The following SYTL5 variants were observed in gnomAD, a reference collection of about 807,000 sequenced individuals.
The protein encoded by SYTL5 is synaptotagmin-like protein 5.
A neutral mutation model predicts 55.9 loss-of-function variants in SYTL5; 34 were observed. The observed-to-expected ratio is 0.61, with a 90% CI of 0.46 to 0.81. The LOEUF (loss-of-function observed/expected upper bound fraction) is 0.81. Among genes scored for constraint, SYTL5 ranks in the 30% least tolerant of loss-of-function variants. SYTL5 has a pLI of 0.00. For synonymous variants in SYTL5, 221 were observed against 188.7 expected (o/e 1.17, Z -1.40); for missense variants, 637 against 546.7 (o/e 1.17, Z -1.65).
intron 1 of SYTL5, among the ~76,000 whole-genome samples, chrX:38,015,706 GT>G (rs367736386): frequency 2.2e-3 from 223 of 101,706 alleles, no homozygotes; most frequent in African/African-American, 4.7e-3. Flanking sequence ...ACAATTCAAT[GT>G]TTTTTTTTTT....
In SYTL5 at chrX:38,034,311, G is replaced by A. The variant is rs1935041801; in HGVS notation, c.119+303G>A. Among the ~76,000 whole-genome samples the A allele has an allele frequency of 2.7e-5, 3 of 112,519 alleles. No individual in the cohort carries two copies. In the Admixed American group the frequency reaches 2.8e-4, roughly 11 times the overall value. On this transcript the variant is annotated intron_variant, in intron 2 of 16. Coordinates refer to ENST00000297875, the MANE Select transcript of SYTL5 (RefSeq NM_138780.3). Reference sequence around the variant, plus strand: ...TGAGTACCAGCTCTGGCAAGTATTAGTCGTGTGACTTTGAGCAAGCTACTC... The same window carrying A: ...TGAGTACCAGCTCTGGCAAGTATTAATCGTGTGACTTTGAGCAAGCTACTC...
At chrX:38,075,226 G>C (rs1189850280) in intron 5 of SYTL5, among the ~76,000 whole-genome samples, 1 of 111,532 alleles carries the variant, frequency 9.0e-6, no homozygotes, top group Non-Finnish European at 1.9e-5. Flanking sequence ...ACTGGGCTGA[G>C]CCTTAGATTC....
At chrX:38,093,498 C>T (rs780424380) in intron 7 of SYTL5, among the ~76,000 whole-genome samples, 1 of 111,543 alleles carries the variant, frequency 9.0e-6, no homozygotes, top group East Asian at 2.8e-4. Context: ...AAGAAAGCTT[C>T]GGATGAGGCA....
At chrX:37,922,098 T>G in the SYTL5 span, among the ~76,000 whole-genome samples, 171 of 112,147 alleles carry the variant, frequency 1.5e-3, 1 homozygote, top group Non-Finnish European at 1.9e-3. Context: ...TAGCTACACC[T>G]CTCCCTCTCC....
chrX:38,089,564 A>G lies in SYTL5; in HGVS notation c.808A>G (p.Thr270Ala), dbSNP rs770816293. The G allele has an allele frequency of 8.3e-7, 1 of 1,208,669 alleles. No individual in the cohort carries two copies. The highest frequency in any genetic ancestry group is 1.1e-6 in the Non-Finnish European group (1 of 894,739). ...TQSSPAPSTRTVTSVISREYG... is the reference protein window; with the variant it reads ...TQSSPAPSTRAVTSVISREYG... Reference sequence around the variant, plus strand: ...GAGTTCACCAGCCCCAAGCACACGAACTGTGACCTCAGTCATCAGTAGAGT... The same window carrying G: ...GAGTTCACCAGCCCCAAGCACACGAGCTGTGACCTCAGTCATCAGTAGAGT... The change falls in exon 7 of 17, where the codon ACT becomes GCT. Residue 270 changes from threonine (T) to alanine (A), a missense_variant. Physicochemically the swap from Thr to Ala is moderately conservative, Grantham distance 58 (BLOSUM62 0). Coordinates refer to ENST00000297875, the MANE Select transcript of SYTL5 (RefSeq NM_138780.3).
intron 1 of SYTL5, among the ~76,000 whole-genome samples, chrX:38,027,485 GA>G (rs1011224406): frequency 9.1e-6 from 1 of 110,215 alleles, no homozygotes; most frequent in African/African-American, 3.3e-5. Flanking sequence ...TAAATTGCAG[GA>G]AAAAAACGAC....
At chrX:37,920,464 A>G in the SYTL5 span, among the ~76,000 whole-genome samples, 27 of 110,403 alleles carry the variant, frequency 2.4e-4, no homozygotes, top group Admixed American at 4.8e-4. Flanking sequence ...CAATTGGTAG[A>G]ACTACTGGAC....
chrX:38,112,232 C>G (rs1448970427), intron 13 of SYTL5, among the ~76,000 whole-genome samples: 1 of 111,565 alleles, frequency 9.0e-6, no homozygotes, highest in African/African-American at 3.3e-5. Context: ...TAGCTTTTTG[C>G]CTATGTAAGC....
chrX:38,089,673 A>G (rs1176206553), intron 7 of SYTL5, 86 bp downstream of exon 7: 1 of 1,004,823 alleles, frequency 1.0e-6, no homozygotes, highest in Non-Finnish European at 1.3e-6. Flanking sequence ...ATTTATAAAC[A>G]AAAGAGATTT....
chrX:37,995,295 C>T, the SYTL5 span, among the ~76,000 whole-genome samples: 2 of 111,552 alleles, frequency 1.8e-5, no homozygotes, highest in Non-Finnish European at 3.8e-5. Context: ...AGGGCGGTGG[C>T]CACAGAGGTG....
chrX:38,125,223 A>C (rs1602422053), intron 15 of SYTL5, 75 bp from the exon 16 acceptor site: 1 of 876,610 alleles, frequency 1.1e-6, no homozygotes, highest in East Asian at 3.2e-5. Context: ...TCAAATAGAC[A>C]CATCACACTT....
At chrX:37,905,958 G>T in the SYTL5 span, among the ~76,000 whole-genome samples, 120 of 113,509 alleles carry the variant, frequency 1.1e-3, no homozygotes, top group Non-Finnish European at 1.8e-3. Context: ...TGCTGGGGGT[G>T]GGGAGGGAGA....
At chrX:37,998,001 G>A in the SYTL5 span, among the ~76,000 whole-genome samples, 21 of 112,166 alleles carry the variant, frequency 1.9e-4, no homozygotes, top group African/African-American at 6.2e-4. Flanking sequence ...CTGACAGCTG[G>A]GAAGATGACA....
the SYTL5 span, among the ~76,000 whole-genome samples, chrX:37,952,569 T>TG: frequency 1.8e-5 from 2 of 110,971 alleles, no homozygotes; most frequent in Non-Finnish European, 3.8e-5. Flanking sequence ...CAAAGGTAAC[T>TG]GGGGTAAGGA....
chrX:37,966,436 C>CTTT, the SYTL5 span, among the ~76,000 whole-genome samples: 33 of 78,130 alleles, frequency 4.2e-4, 1 homozygote, highest in Admixed American at 1.1e-3. Flanking sequence ...TTTTCTTTTT[C>CTTT]TTTTTTTTTT....
the SYTL5 span, among the ~76,000 whole-genome samples, chrX:37,896,139 T>C: frequency 3.6e-5 from 4 of 112,396 alleles, no homozygotes; most frequent in Non-Finnish European, 5.6e-5. Context: ...ATGGGTTGAT[T>C]GGAAGGAAAC....
At chrX:38,121,134 C>A (rs1224861156) in intron 14 of SYTL5, among the ~76,000 whole-genome samples, 1 of 110,976 alleles carries the variant, frequency 9.0e-6, no homozygotes, top group Non-Finnish European at 1.9e-5. Flanking sequence ...GTGCCACATA[C>A]TTTTAAACAA....
chrX:37,947,908 T>A, the SYTL5 span, among the ~76,000 whole-genome samples: 3 of 111,569 alleles, frequency 2.7e-5, no homozygotes, highest in African/African-American at 9.8e-5. Flanking sequence ...TTGAAAACAT[T>A]TTCTCCTGTG....
chrX:38,113,085 G>T (rs977551528), intron 13 of SYTL5, among the ~76,000 whole-genome samples: 1 of 112,183 alleles, frequency 8.9e-6, no homozygotes, highest in African/African-American at 3.2e-5. Flanking sequence ...AGATCCTACA[G>T]TGCTAAGCCA....
Sources: allele counts gnomAD v4.1 joint callset (sites outside exome capture counted in the v4.1 genomes callset), GRCh38; gene constraint gnomAD v4.1.1; transcripts MANE v1.5; gene names NCBI Gene and HGNC (gene_info 2026-07-23, HGNC 2026-07-21).